Variants in PRELID2 observed in about 807,000 individuals in gnomAD.
PRELID2 encodes the protein PRELI domain-containing protein 2.
Under a neutral mutation model 28.4 loss-of-function variants are expected in PRELID2, and 25 were observed. That is an observed-to-expected ratio of 0.88 (90% CI 0.64 to 1.23). The LOEUF (loss-of-function observed/expected upper bound fraction) is 1.23. Ranked by LOEUF, PRELID2 falls within the 50% of genes most tolerant of loss-of-function variation. The probability of loss-of-function intolerance (pLI) is 0.00; values close to 1 mark genes in which losing one functional copy is unlikely to be tolerated. For missense variants in PRELID2, 201 were observed against 214.4 expected, an observed-to-expected ratio of 0.94 and a Z score of 0.39; for synonymous variants, 76 against 71.6, an observed-to-expected ratio of 1.06 and a Z score of -0.31.
At chr5:145,362,637 T>C in the PRELID2 span, among the ~76,000 whole-genome samples, 1 of 152,152 alleles carries the variant, frequency 6.6e-6, no homozygotes, top group Non-Finnish European at 1.5e-5. Context: ...CTTACATCTA[T>C]AGGTCCTGGA....
At chr5:145,477,090 T>C (rs552066949) in intron 1 of PRELID2, among the ~76,000 whole-genome samples, 1 of 152,316 alleles carries the variant, frequency 6.6e-6, no homozygotes, top group East Asian at 1.9e-4. Flanking sequence ...ATTTATCCAG[T>C]AATCTTTTCA....
intron 1 of PRELID2, among the ~76,000 whole-genome samples, chr5:145,599,000 C>A (rs1427338214): frequency 6.6e-6 from 1 of 151,978 alleles, no homozygotes; most frequent in East Asian, 1.9e-4. Context: ...CTTTTTTATC[C>A]CCCTCTATGT....
chr5:145,623,664 G>C (rs557333378), intron 1 of PRELID2, among the ~76,000 whole-genome samples: 1 of 151,866 alleles, frequency 6.6e-6, no homozygotes, highest in Non-Finnish European at 1.5e-5. Flanking sequence ...TAGGTAGGTA[G>C]GTAGATATCC....
At chr5:145,636,953 T>G (rs1269389046) in intron 1 of PRELID2, among the ~76,000 whole-genome samples, 2 of 152,130 alleles carry the variant, frequency 1.3e-5, no homozygotes, top group Admixed American at 1.3e-4. Flanking sequence ...TATCTTTTTA[T>G]CAAAGCTATT....
chr5:145,325,160 A>C, the PRELID2 span, among the ~76,000 whole-genome samples: 1 of 152,254 alleles, frequency 6.6e-6, no homozygotes, highest in Non-Finnish European at 1.5e-5. Context: ...AAATAAGGAA[A>C]TCTTATAAAA....
At chr5:145,358,612 G>C in the PRELID2 span, among the ~76,000 whole-genome samples, 1 of 152,080 alleles carries the variant, frequency 6.6e-6, no homozygotes, top group Non-Finnish European at 1.5e-5. Context: ...AGGGAGAAAA[G>C]ATGAAAGCCA....
the PRELID2 span, among the ~76,000 whole-genome samples, chr5:145,333,566 A>G: frequency 6.6e-6 from 1 of 152,106 alleles, no homozygotes; most frequent in Admixed American, 6.6e-5. Flanking sequence ...CTTTGTTTAC[A>G]GTTAGAGGGG....
chr5:145,727,086 C>A (rs568927450), intron 1 of PRELID2, among the ~76,000 whole-genome samples: 1 of 152,156 alleles, frequency 6.6e-6, no homozygotes, highest in Non-Finnish European at 1.5e-5. Flanking sequence ...GGTGATCAAA[C>A]AAAGAAACAG....
downstream of PRELID2, among the ~76,000 whole-genome samples, chr5:145,469,724 CTG>C (rs1752034495): frequency 6.6e-6 from 1 of 152,062 alleles, no homozygotes; most frequent in Non-Finnish European, 1.5e-5. Flanking sequence ...AGATTCAGTG[CTG>C]TGTTTTTCTC....
intron 5 of PRELID2, among the ~76,000 whole-genome samples, chr5:145,770,353 TA>T (rs545578890): frequency 2.0e-4 from 29 of 148,044 alleles, no homozygotes; most frequent in South Asian, 2.2e-4. Context: ...CCTTCTCTAT[TA>T]AAAAAAAAAA....
At chr5:145,483,725 CA>C (rs771773901) in intron 1 of PRELID2, among the ~76,000 whole-genome samples, 8 of 152,182 alleles carry the variant, frequency 5.3e-5, no homozygotes, top group Non-Finnish European at 1.2e-4. Flanking sequence ...GTGATAGAGC[CA>C]GGAACTAAAT....
chr5:145,828,431 C>T (rs1323762783), intron 1 of PRELID2, among the ~76,000 whole-genome samples: 1 of 152,136 alleles, frequency 6.6e-6, no homozygotes, highest in Non-Finnish European at 1.5e-5. Context: ...TCCAAAAATA[C>T]TTACACAATG....
chr5:145,624,319 C>A (rs539890156), intron 1 of PRELID2, among the ~76,000 whole-genome samples: 1 of 152,170 alleles, frequency 6.6e-6, no homozygotes, highest in East Asian at 1.9e-4. Flanking sequence ...ATCTCCAGTC[C>A]CCCTCACTTC....
chr5:145,448,828 CACATAG>C, the PRELID2 span, among the ~76,000 whole-genome samples: 2 of 152,142 alleles, frequency 1.3e-5, no homozygotes, highest in East Asian at 3.9e-4. Flanking sequence ...TAGTAACTTA[CACATAG>C]TAAGAGCTAA....
intron 1 of PRELID2, among the ~76,000 whole-genome samples, chr5:145,829,057 TTGGTGG>T (rs879147587): frequency 6.7e-6 from 1 of 148,882 alleles, no homozygotes; most frequent in African/African-American, 2.5e-5. Context: ...TTTGTTGTTG[TTGGTGG>T]TGGTGGTGGT....
chr5:145,518,771 A>C (rs890037317), intron 1 of PRELID2, among the ~76,000 whole-genome samples: 1 of 152,196 alleles, frequency 6.6e-6, no homozygotes, highest in African/African-American at 2.4e-5. Flanking sequence ...TGGTGTCTCA[A>C]CTCAGGGAAG....
intron 1 of PRELID2, among the ~76,000 whole-genome samples, chr5:145,519,595 T>C (rs566487267): frequency 6.6e-6 from 1 of 152,342 alleles, no homozygotes; most frequent in African/African-American, 2.4e-5. Context: ...TTATTAGCCA[T>C]ATTTATTTTA....
chr5:145,293,737 G>T, the PRELID2 span, among the ~76,000 whole-genome samples: 2 of 152,156 alleles, frequency 1.3e-5, no homozygotes, highest in Non-Finnish European at 2.9e-5. Context: ...AGAGGGCTGA[G>T]ATTAACATCT....
intron 1 of PRELID2, among the ~76,000 whole-genome samples, chr5:145,828,553 ACTT>A (rs1479545455): frequency 6.6e-6 from 1 of 152,194 alleles, no homozygotes; most frequent in Non-Finnish European, 1.5e-5. Flanking sequence ...CCTCCCTGAC[ACTT>A]CACTCCACAC....
Sources: gnomAD v4.1 joint callset for allele counts (sites outside exome capture counted in the v4.1 genomes callset) on GRCh38, gnomAD v4.1.1 for gene constraint, MANE v1.5 for transcripts, NCBI Gene and HGNC (gene_info 2026-07-23, HGNC 2026-07-21) for gene names.